SCIN: variants seen among roughly 807,000 people sequenced by gnomAD.
SCIN encodes the protein adseverin.
Under a neutral mutation model 91.8 loss-of-function variants are expected in SCIN, and 91 were observed. That is an observed-to-expected ratio of 0.99 (90% CI 0.84 to 1.18). SCIN has a LOEUF of 1.18. Among genes scored for constraint, SCIN ranks in the 50% most tolerant of loss-of-function variants. SCIN has a pLI of 0.00. For missense variants in SCIN, 1,087 were observed against 863.9 expected, an observed-to-expected ratio of 1.26 and a Z score of -3.24; for synonymous variants, 367 against 312.6, an observed-to-expected ratio of 1.17 and a Z score of -1.84.
intron 3 of SCIN, among the ~76,000 whole-genome samples, chr7:12,599,663 C>T (rs777982142): frequency 5.8e-4 from 89 of 152,172 alleles, no homozygotes; most frequent in Middle Eastern, 6.8e-3. Flanking sequence ...TCCCTTTCAC[C>T]ACACCCACAC....
chr7:12,651,743 A>C lies in SCIN; in HGVS notation c.1960-98A>C, dbSNP rs1294858480. The C allele has an allele frequency of 1.4e-6, 1 of 728,178 alleles. No individual in the cohort carries two copies. Among genetic ancestry groups the C allele is most frequent in the Non-Finnish European group, 2.3e-6 (1 of 433,330 alleles). 45.1% of individuals were successfully genotyped at this position (728,178 alleles called of 1,614,324 possible). On this transcript the variant is annotated intron_variant, in intron 14 of 15. Transcript: ENST00000297029. This position sits in a 1 kb window ranked among gnomAD's most constrained non-coding sequence, Gnocchi z 5.9. ...CCTAACTTCTGCGGATATTGTGAAGATTGAATGAGCAATGTGTGTGTGAAG... is the reference window on the plus strand; with the variant it reads ...CCTAACTTCTGCGGATATTGTGAAGCTTGAATGAGCAATGTGTGTGTGAAG...
intron 10 of SCIN, 62 bp downstream of exon 10, chr7:12,636,197 C>A: frequency 8.8e-7 from 1 of 1,132,732 alleles, no homozygotes; most frequent in Non-Finnish European, 1.3e-6. Context: ...CAATGGATAG[C>A]TATAGCTCCC....
At chr7:12,627,323 G>A (rs1309284438) in intron 8 of SCIN, among the ~76,000 whole-genome samples, 1 of 152,038 alleles carries the variant, frequency 6.6e-6, no homozygotes, top group Admixed American at 6.5e-5. Flanking sequence ...TCTAGCTAAT[G>A]TTCCTACGCC....
At chr7:12,627,623 C>T (rs541179872) in intron 8 of SCIN, among the ~76,000 whole-genome samples, 32 of 152,266 alleles carry the variant, frequency 2.1e-4, no homozygotes, top group African/African-American at 7.5e-4. Context: ...TTTTCAAAGA[C>T]GTGAAGCGTG....
intron 3 of SCIN, among the ~76,000 whole-genome samples, chr7:12,599,032 T>G (rs1782902246): frequency 6.6e-6 from 1 of 152,166 alleles, no homozygotes; most frequent in African/African-American, 2.4e-5. Flanking sequence ...ATATCAACCA[T>G]TGAAAAGTAA....
In SCIN at chr7:12,577,469, T is replaced by C. The variant is rs73062634; in HGVS notation, c.200-595T>C. 9.4e-3 allele frequency: 4,267 copies of C among 452,632 alleles called. 28 individuals are homozygous for C. Among genetic ancestry groups the C allele is most frequent in the Middle Eastern group, 0.017 (52 of 3,038 alleles). 28.0% of individuals were successfully genotyped at this position (452,632 alleles called of 1,614,324 possible). ...CTTACCAAATTAATGCTTACTTAAA[T>C]CTCATTGGAATAGATTGTTTTATCT... On this transcript the variant is annotated intron_variant, in intron 1 of 15. Coordinates refer to ENST00000297029, the MANE Select transcript of SCIN (RefSeq NM_001112706.3).
rs563065943 is a variant in SCIN, at chr7:12,578,136, G to C, written c.272G>C (p.Gly91Ala). 18 of 1,551,114 alleles carry C rather than the reference G, an allele frequency of 1.2e-5. No homozygotes were observed. The highest frequency in any genetic ancestry group is 1.6e-5 in the Non-Finnish European group (18 of 1,146,598). The change falls in exon 2 of 16, where the codon GGC (glycine) becomes GCC (alanine). Residue 91 changes from glycine to alanine, a missense_variant. Transcript: ENST00000297029. The stretch of plus-strand genomic sequence containing the variant: ...GTTCAGATGGATGACTATTTGGGTG[G>C]CAAGCCAGTGCAGAATAGAGAACTT... ...FTVQMDDYLG[G>A]KPVQNRELQG... is the part of the protein sequence containing the mutation.
At position 12,584,300 on chromosome 7, in the gene SCIN, A is replaced by C. The variant is rs895812550; in HGVS notation, c.516+3079A>C. Among the ~76,000 whole-genome samples the C allele has an allele frequency of 2.6e-5, 4 of 152,222 alleles. No homozygotes were observed. In the East Asian group the frequency reaches 7.7e-4, roughly 29 times the overall value. On this transcript the variant is annotated intron_variant, in intron 3 of 15. Transcript: ENST00000297029. The stretch of plus-strand genomic sequence containing the variant: ...AAAAGGATGCCAGTGCAGTTTCTTC[A>C]AGTTTGTATTATGACCCAGGTATGA...
In SCIN at chr7:12,651,518, G is replaced by C. The variant is rs375905154; in HGVS notation, c.1960-323G>C. ...GACTGCTGTCACACCCTAGGGGGTG[G>C]ATGAAAAAAAAAAGTCCACCCAGAC... On this transcript the variant is annotated intron_variant, in intron 14 of 15. Coordinates refer to ENST00000297029, the MANE Select transcript of SCIN (RefSeq NM_001112706.3). This position sits in a 1 kb window ranked among gnomAD's most constrained non-coding sequence, Gnocchi z 5.9. Among the ~76,000 whole-genome samples the C allele has an allele frequency of 2.7e-3, 406 of 149,698 alleles. No homozygotes were observed. The highest frequency in any genetic ancestry group is 9.6e-3 in the African/African-American group (391 of 40,584).
intron 3 of SCIN, among the ~76,000 whole-genome samples, chr7:12,603,170 T>A (rs1782993495): frequency 6.6e-6 from 1 of 151,894 alleles, no homozygotes; most frequent in Non-Finnish European, 1.5e-5. Flanking sequence ...TTTGAGACAG[T>A]GTCTCGCTCT....
chr7:12,624,602 G>A (rs893249632), intron 5 of SCIN, among the ~76,000 whole-genome samples: 2 of 152,108 alleles, frequency 1.3e-5, no homozygotes, highest in Non-Finnish European at 1.5e-5. Context: ...TTACCTACTT[G>A]AAAAGATTAC....
intron 4 of SCIN, among the ~76,000 whole-genome samples, chr7:12,608,576 CAA>C (rs1458517984): frequency 6.6e-6 from 1 of 152,058 alleles, no homozygotes; most frequent in African/African-American, 2.4e-5. Context: ...CTTCTGGGTT[CAA>C]GTGATTCTCC....
intron 6 of SCIN, 72 bp downstream of exon 6, chr7:12,625,214 A>G (rs1783489781): frequency 1.5e-6 from 2 of 1,304,242 alleles, no homozygotes; most frequent in South Asian, 1.8e-5. Flanking sequence ...AATAAAATAT[A>G]TTTTTTGATT....
intron 14 of SCIN, among the ~76,000 whole-genome samples, chr7:12,650,281 A>G (rs1351502756): frequency 6.6e-6 from 1 of 152,220 alleles, no homozygotes; most frequent in Non-Finnish European, 1.5e-5. Context: ...TTGAGGGCCC[A>G]GGCTCAGATT....
At chr7:12,617,921 C>G (rs1158450229) in intron 4 of SCIN, among the ~76,000 whole-genome samples, 5 of 152,090 alleles carry the variant, frequency 3.3e-5, no homozygotes, top group African/African-American at 1.2e-4. Flanking sequence ...TGGCTTATGG[C>G]TTTTAATGAC....
intron 9 of SCIN, among the ~76,000 whole-genome samples, chr7:12,630,196 G>A (rs1477397069): frequency 6.6e-6 from 1 of 151,564 alleles, no homozygotes; most frequent in African/African-American, 2.4e-5. Flanking sequence ...CCAGTGCCTT[G>A]AGCCCAGTCA....
At chr7:12,639,272 G>C (rs1176664888) in intron 10 of SCIN, among the ~76,000 whole-genome samples, 2 of 152,156 alleles carry the variant, frequency 1.3e-5, no homozygotes, top group African/African-American at 4.8e-5. Flanking sequence ...AACAGTTTTA[G>C]GTATTTGTGA....
At chr7:12,580,352 A>G (rs1476987430) in intron 2 of SCIN, among the ~76,000 whole-genome samples, 1 of 152,160 alleles carries the variant, frequency 6.6e-6, no homozygotes, top group Non-Finnish European at 1.5e-5. Context: ...GATACAGTTA[A>G]TATCTTTCTT....
chr7:12,597,002 G>A (rs1021499492), intron 3 of SCIN, among the ~76,000 whole-genome samples: 1 of 152,116 alleles, frequency 6.6e-6, no homozygotes, highest in Admixed American at 6.6e-5. Context: ...GCCTTCAGTG[G>A]CCCTGCACAC....
Sources: allele counts gnomAD v4.1 joint callset (sites outside exome capture counted in the v4.1 genomes callset), GRCh38; gene constraint gnomAD v4.1.1; non-coding constraint Gnocchi (gnomAD v3.1); transcripts MANE v1.5; gene names NCBI Gene and HGNC (gene_info 2026-07-23, HGNC 2026-07-21).